CTNND2: variants seen among roughly 807,000 people sequenced by gnomAD.
CTNND2 encodes the protein catenin delta-2.
In CTNND2, 22 loss-of-function variants were observed where a neutral mutation model predicts 144.4. That is an observed-to-expected ratio of 0.15 (90% CI 0.11 to 0.22). The LOEUF (loss-of-function observed/expected upper bound fraction) is 0.22. CTNND2 is among the 10% of genes least tolerant of loss of function. CTNND2 has a pLI of 1.00. For missense variants in CTNND2, 1,353 were observed against 1,618.8 expected (o/e 0.84, Z 2.82); for synonymous variants, 751 against 695.6 (o/e 1.08, Z -1.25).
At chr5:11,139,626 T>C (rs1164133894) in intron 12 of CTNND2, among the ~76,000 whole-genome samples, 1 of 152,238 alleles carries the variant, frequency 6.6e-6, no homozygotes, top group East Asian at 1.9e-4. Flanking sequence ...CGTGCAGCTC[T>C]GCTCCCTGAG....
At chr5:11,044,107 T>C (rs1166206989) in intron 16 of CTNND2, among the ~76,000 whole-genome samples, 3 of 152,216 alleles carry the variant, frequency 2.0e-5, no homozygotes, top group Admixed American at 6.5e-5. Context: ...AGGACTCTGA[T>C]GGTCCTGCCT....
Position 11,605,508 on chromosome 5 carries a change from A to T in CTNND2, c.175-40452T>A, listed in dbSNP as rs189501826. On this transcript the variant is annotated intron_variant, in intron 2 of 21. Transcript: ENST00000304623. ...TAGACCATATTAAGGTTTGGATTTT[A>T]TTCTAAGTACTAAAGAAAGCCATTA... is the stretch of plus-strand genomic sequence containing the variant. Among the ~76,000 whole-genome samples, 950 of 152,368 alleles carry T rather than the reference A, an allele frequency of 6.2e-3. 4 individuals carry two copies. Among genetic ancestry groups the T allele is most frequent in the Non-Finnish European group, 0.011 (754 of 68,038 alleles).
At chr5:11,102,697 A>C (rs1029811827) in intron 14 of CTNND2, among the ~76,000 whole-genome samples, 3 of 152,294 alleles carry the variant, frequency 2.0e-5, no homozygotes, top group African/African-American at 7.2e-5. Context: ...AATGCTCAAA[A>C]ATTTTTGGAA....
At chr5:11,827,743 T>G (rs1248185595) in intron 1 of CTNND2, among the ~76,000 whole-genome samples, 2 of 152,152 alleles carry the variant, frequency 1.3e-5, no homozygotes, top group East Asian at 1.9e-4. Context: ...CAAGGGGAAT[T>G]GCACAACAAG....
intron 3 of CTNND2, among the ~76,000 whole-genome samples, chr5:11,441,134 T>C (rs945894224): frequency 6.6e-6 from 1 of 152,306 alleles, no homozygotes; most frequent in South Asian, 2.1e-4. Context: ...AAAAATTATA[T>C]GGGGATCATA....
chr5:11,694,497 T>C (rs1249929880), intron 2 of CTNND2, among the ~76,000 whole-genome samples: 1 of 151,304 alleles, frequency 6.6e-6, no homozygotes, highest in East Asian at 1.9e-4. Context: ...AACTAGACTA[T>C]GAAAAGGGCA....
At chr5:11,059,345 T>C (rs1425669609) in intron 16 of CTNND2, among the ~76,000 whole-genome samples, 2 of 152,172 alleles carry the variant, frequency 1.3e-5, no homozygotes, top group East Asian at 3.9e-4. Context: ...ATAAGTCTCA[T>C]GAGATCTGAT....
chr5:11,718,218 A>G (rs530007629), intron 2 of CTNND2, among the ~76,000 whole-genome samples: 1 of 152,328 alleles, frequency 6.6e-6, no homozygotes, highest in East Asian at 1.9e-4. Flanking sequence ...AAGATGTCTC[A>G]AAGGGGCACA....
At chr5:11,158,032 T>C (rs1269686490) in intron 12 of CTNND2, among the ~76,000 whole-genome samples, 1 of 152,208 alleles carries the variant, frequency 6.6e-6, no homozygotes, top group Non-Finnish European at 1.5e-5. Context: ...ATAAAGGTGG[T>C]AGCCTATATC....
chr5:11,794,889 G>T (rs745470708), intron 1 of CTNND2, among the ~76,000 whole-genome samples: 1 of 151,994 alleles, frequency 6.6e-6, no homozygotes, highest in Admixed American at 6.5e-5. Flanking sequence ...TTTATGATTC[G>T]TAGGCTCAAC....
At chr5:11,592,150 G>C (rs1204758761) in intron 2 of CTNND2, among the ~76,000 whole-genome samples, 2 of 141,364 alleles carry the variant, frequency 1.4e-5, no homozygotes, top group African/African-American at 2.6e-5. Context: ...CTGCCTTCCT[G>C]CCTTCCTGCC....
intron 2 of CTNND2, among the ~76,000 whole-genome samples, chr5:11,596,838 C>A (rs970089914): frequency 1.6e-4 from 24 of 152,090 alleles, no homozygotes; most frequent in African/African-American, 5.6e-4. Flanking sequence ...CTCTAGTGTT[C>A]TCTTTGTGCT....
At chr5:10,995,713 GGAGA>G (rs931262533) in intron 18 of CTNND2, among the ~76,000 whole-genome samples, 3 of 152,112 alleles carry the variant, frequency 2.0e-5, no homozygotes, top group Non-Finnish European at 4.4e-5. Context: ...TGGGGACATA[GGAGA>G]GAAAGGGAAA....
chr5:10,996,179 T>G (rs1739324590), intron 18 of CTNND2, among the ~76,000 whole-genome samples: 1 of 151,220 alleles, frequency 6.6e-6, no homozygotes, highest in Non-Finnish European at 1.5e-5. Flanking sequence ...AGGTGTGGAG[T>G]GGGTAGAGTT....
chr5:11,454,250 T>C (rs1765532505), intron 3 of CTNND2, among the ~76,000 whole-genome samples: 1 of 152,076 alleles, frequency 6.6e-6, no homozygotes, highest in Non-Finnish European at 1.5e-5. Flanking sequence ...TGAAACCCCA[T>C]CTCTACTAAA....
chr5:11,843,876 A>G (rs1017797509), intron 1 of CTNND2, among the ~76,000 whole-genome samples: 18 of 152,206 alleles, frequency 1.2e-4, no homozygotes, highest in Admixed American at 6.5e-4. Context: ...AAGGAAAAAT[A>G]AAAGATTATA....
At chr5:11,106,612 G>A (rs1307543232) in intron 14 of CTNND2, among the ~76,000 whole-genome samples, 1 of 152,182 alleles carries the variant, frequency 6.6e-6, no homozygotes, top group Non-Finnish European at 1.5e-5. Flanking sequence ...TTGGGTTTTT[G>A]TTCACTACCA....
At chr5:11,140,886 T>C (rs1046111265) in intron 12 of CTNND2, among the ~76,000 whole-genome samples, 1 of 152,238 alleles carries the variant, frequency 6.6e-6, no homozygotes, top group Non-Finnish European at 1.5e-5. Context: ...GGTTGGAAGG[T>C]AAGAGACAAT....
At chr5:11,088,709 A>G (rs1344618614) in intron 15 of CTNND2, among the ~76,000 whole-genome samples, 3 of 152,222 alleles carry the variant, frequency 2.0e-5, no homozygotes, top group African/African-American at 7.2e-5. Flanking sequence ...TCTTGCAACT[A>G]TAAGGCAAAG....
Sources: allele counts gnomAD v4.1 joint callset (sites outside exome capture counted in the v4.1 genomes callset), GRCh38; gene constraint gnomAD v4.1.1; transcripts MANE v1.5; gene names NCBI Gene and HGNC (gene_info 2026-07-23, HGNC 2026-07-21).